NCOA2: variants seen among roughly 807,000 people sequenced by gnomAD.
NCOA2 encodes the protein nuclear receptor coactivator 2.
Under a neutral mutation model 145.1 loss-of-function variants are expected in NCOA2, and 21 were observed. That is an observed-to-expected ratio of 0.14 (90% CI 0.10 to 0.21). NCOA2 has a LOEUF of 0.21. Among genes scored for constraint, NCOA2 ranks in the 10% least tolerant of loss-of-function variants. The pLI, the probability that NCOA2 is intolerant of heterozygous loss-of-function variation, is 1.00. For synonymous variants in NCOA2, 619 were observed against 637.5 expected (o/e 0.97, Z 0.44); for missense variants, 1,472 against 1,837.6 (o/e 0.80, Z 3.64).
intron 7 of NCOA2, among the ~76,000 whole-genome samples, chr8:70,165,636 CT>C (rs1813523672): frequency 6.6e-6 from 1 of 152,186 alleles, no homozygotes; most frequent in African/African-American, 2.4e-5. Context: ...ATCAGCACAT[CT>C]TTATGGCAAA....
intron 1 of NCOA2, among the ~76,000 whole-genome samples, chr8:70,323,460 A>C (rs1224693720): frequency 7.2e-5 from 11 of 152,244 alleles, no homozygotes; most frequent in Admixed American, 1.3e-4. Flanking sequence ...TAATGCTGAC[A>C]GTGAAAAGCA....
At chr8:70,350,842 T>C (rs1415338275) in intron 1 of NCOA2, among the ~76,000 whole-genome samples, 1 of 152,226 alleles carries the variant, frequency 6.6e-6, no homozygotes, top group African/African-American at 2.4e-5. Context: ...ACAAACGTTC[T>C]TATAATGGGA....
intron 1 of NCOA2, among the ~76,000 whole-genome samples, chr8:70,401,088 AACACACACACACATAC>A (rs1226469737): frequency 6.6e-6 from 1 of 151,900 alleles, no homozygotes; most frequent in African/African-American, 2.4e-5. Flanking sequence ...AAAGAACAGG[AACACACACACACATAC>A]ACACACACAC....
At chr8:70,277,318 A>G (rs993967650) in intron 2 of NCOA2, among the ~76,000 whole-genome samples, 3 of 152,106 alleles carry the variant, frequency 2.0e-5, no homozygotes, top group Non-Finnish European at 4.4e-5. Flanking sequence ...CATTACTACT[A>G]TCTCTTGCCT....
the NCOA2 span, among the ~76,000 whole-genome samples, chr8:70,445,215 G>A: frequency 1.3e-5 from 2 of 152,120 alleles, no homozygotes; most frequent in South Asian, 4.1e-4. Context: ...CTCAAAACCT[G>A]CCTTATTTTT....
At chr8:70,389,499 C>T (rs1426136708) in intron 1 of NCOA2, among the ~76,000 whole-genome samples, 2 of 152,066 alleles carry the variant, frequency 1.3e-5, no homozygotes, top group African/African-American at 2.4e-5. Context: ...AGGCTGGTCT[C>T]GAACTCCCGA....
rs144070778 is a variant in NCOA2, at chr8:70,241,896, G to T, written c.-19-25132C>A. The stretch of plus-strand genomic sequence containing the variant: ...GCAAAAGTCATTTTCCTCATCAAAA[G>T]AAAAAGTAAAAACAAAGCCTTTAAA... On this transcript the variant is annotated intron_variant, in intron 2 of 22. Transcript: ENST00000452400. 9.3e-3 allele frequency among the ~76,000 whole-genome samples: 1,413 copies of T among 152,002 alleles called. 22 individuals carry two copies. The highest frequency in any genetic ancestry group is 0.032 in the African/African-American group (1,316 of 41,494).
intron 1 of NCOA2, among the ~76,000 whole-genome samples, chr8:70,330,213 GATA>G (rs1488966654): frequency 2.3e-4 from 31 of 132,450 alleles, no homozygotes; most frequent in Non-Finnish European, 3.1e-4. Context: ...TGATGATGAT[GATA>G]ATGATGATGA....
chr8:70,295,458 T>C (rs1157846126), intron 2 of NCOA2, among the ~76,000 whole-genome samples: 3 of 152,202 alleles, frequency 2.0e-5, no homozygotes, highest in Admixed American at 2.0e-4. Context: ...TTCAGGTTTG[T>C]TCTTTACTTG....
intron 1 of NCOA2, among the ~76,000 whole-genome samples, chr8:70,306,182 G>A (rs893466185): frequency 1.3e-4 from 20 of 152,284 alleles, no homozygotes; most frequent in Non-Finnish European, 4.4e-5. Flanking sequence ...GAGATCTAGA[G>A]CAAACTTAGA....
chr8:70,251,902 T>C (rs1007389273), intron 2 of NCOA2, among the ~76,000 whole-genome samples: 1 of 152,202 alleles, frequency 6.6e-6, no homozygotes, highest in Admixed American at 6.5e-5. Flanking sequence ...TGTCATTCCC[T>C]ATATCCACAG....
chr8:70,123,815 T>C, intron 21 of NCOA2, 69 bp downstream of exon 21: 10 of 1,329,692 alleles, frequency 7.5e-6, no homozygotes, highest in Non-Finnish European at 9.2e-6. Flanking sequence ...TGGAAAGATA[T>C]ATTTGATGCA....
At chr8:70,300,824 T>C (rs1476284841) in intron 1 of NCOA2, among the ~76,000 whole-genome samples, 2 of 152,222 alleles carry the variant, frequency 1.3e-5, no homozygotes, top group Non-Finnish European at 2.9e-5. Context: ...AACAATAGCA[T>C]CAATAGCATT....
At chr8:70,121,470 C>A (rs111931188) in intron 21 of NCOA2, 79 bp from the exon 22 acceptor site, 2 of 1,119,978 alleles carry the variant, frequency 1.8e-6, no homozygotes, top group African/African-American at 3.1e-5. Flanking sequence ...GGCCGCCGCC[C>A]TTCCTCTGTT....
chr8:70,143,283 T>C (rs1165488065), intron 13 of NCOA2, among the ~76,000 whole-genome samples: 1 of 152,110 alleles, frequency 6.6e-6, no homozygotes, highest in Non-Finnish European at 1.5e-5. Context: ...GAGAGTATTG[T>C]ATGATCTTCA....
At chr8:70,127,375 T>C (rs1808544049) in intron 18 of NCOA2, among the ~76,000 whole-genome samples, 1 of 152,196 alleles carries the variant, frequency 6.6e-6, no homozygotes, top group Non-Finnish European at 1.5e-5. Flanking sequence ...GACTGTAATA[T>C]AAACCCTGAG....
intron 1 of NCOA2, among the ~76,000 whole-genome samples, chr8:70,332,558 C>A (rs1807206843): frequency 6.6e-6 from 1 of 152,058 alleles, no homozygotes; most frequent in Admixed American, 6.6e-5. Flanking sequence ...TTTGCTGTTG[C>A]TGTTTTTAGG....
At chr8:70,146,199 G>A (rs951443845) in intron 12 of NCOA2, among the ~76,000 whole-genome samples, 4 of 152,164 alleles carry the variant, frequency 2.6e-5, no homozygotes, top group African/African-American at 7.2e-5. Flanking sequence ...GCCTAAAGCA[G>A]TATTAAATTA....
In NCOA2 at chr8:70,180,289, C is replaced by T. The variant is rs114283088; in HGVS notation, c.260-5430G>A. On this transcript the variant is annotated intron_variant, in intron 4 of 22. Coordinates refer to ENST00000452400, the MANE Select transcript of NCOA2 (RefSeq NM_006540.4). Reference sequence around the variant, plus strand: ...GCAAAACCTGATTGGAGAGATCATCCAAGGATGCCTCTATAATTTTTCTCT... The same window carrying T: ...GCAAAACCTGATTGGAGAGATCATCTAAGGATGCCTCTATAATTTTTCTCT... 9.3e-3 allele frequency among the ~76,000 whole-genome samples: 1,416 copies of T among 152,272 alleles called. 22 individuals are homozygous for T. The highest frequency in any genetic ancestry group is 0.032 in the African/African-American group (1,319 of 41,550).
Sources: allele counts gnomAD v4.1 joint callset (sites outside exome capture counted in the v4.1 genomes callset), GRCh38; gene constraint gnomAD v4.1.1; transcripts MANE v1.5; gene names NCBI Gene and HGNC (gene_info 2026-07-23, HGNC 2026-07-21).